The following KIAA1328 variants were observed in gnomAD, a reference collection of about 807,000 sequenced individuals.
KIAA1328 encodes protein hinderin.
KIAA1328 carries 52 observed loss-of-function variants against 68.1 expected under a neutral mutation model. The observed-to-expected ratio is 0.76, with a 90% CI of 0.61 to 0.96. The LOEUF is 0.96. Among genes scored for constraint, KIAA1328 ranks in the 40% least tolerant of loss-of-function variants. The pLI is 0.00. For missense variants in KIAA1328, 641 were observed against 677.6 expected (o/e 0.95, Z 0.60); for synonymous variants, 232 against 239.4 (o/e 0.97, Z 0.28).
At chr18:36,831,483 C>G (rs1216420748) in intron 1 of KIAA1328, among the ~76,000 whole-genome samples, 1 of 152,112 alleles carries the variant, frequency 6.6e-6, no homozygotes, top group Non-Finnish European at 1.5e-5. Context: ...TTGCCTTTGT[C>G]CTTCATTACA....
intron 6 of KIAA1328, among the ~76,000 whole-genome samples, chr18:37,044,948 G>T (rs1373706719): frequency 6.6e-6 from 1 of 152,086 alleles, no homozygotes; most frequent in Non-Finnish European, 1.5e-5. Flanking sequence ...AAACAGACTT[G>T]AAGTTTAAGT....
chr18:36,981,219 C>T (rs576822407), intron 6 of KIAA1328, among the ~76,000 whole-genome samples: 1 of 152,204 alleles, frequency 6.6e-6, no homozygotes, highest in South Asian at 2.1e-4. Context: ...ATAAATAGCT[C>T]TAGGCTGAGC....
intron 7 of KIAA1328, among the ~76,000 whole-genome samples, chr18:37,125,847 T>C (rs767771672): frequency 6.6e-6 from 1 of 152,164 alleles, no homozygotes; most frequent in Non-Finnish European, 1.5e-5. Flanking sequence ...CAGCTTGCAG[T>C]TGCTATTGTT....
intron 8 of KIAA1328, among the ~76,000 whole-genome samples, chr18:37,161,885 A>G (rs1459683485): frequency 1.3e-5 from 2 of 152,260 alleles, no homozygotes; most frequent in Admixed American, 6.5e-5. Flanking sequence ...AGCAATTGAA[A>G]AGGCACTTTG....
At chr18:37,093,047 C>T (rs988980376) in intron 7 of KIAA1328, among the ~76,000 whole-genome samples, 3 of 152,176 alleles carry the variant, frequency 2.0e-5, no homozygotes, top group Non-Finnish European at 4.4e-5. Flanking sequence ...ACTGCTGACA[C>T]TTACAGCTAA....
At chr18:36,883,273 C>T (rs1044544585) in intron 4 of KIAA1328, among the ~76,000 whole-genome samples, 3 of 152,094 alleles carry the variant, frequency 2.0e-5, no homozygotes, top group African/African-American at 7.2e-5. Context: ...TGAGCACTGG[C>T]GTGATGCTAA....
rs1156940384 is a variant in KIAA1328, at chr18:36,962,712, A to G, written c.576+3277A>G. Among the ~76,000 whole-genome samples the G allele has an allele frequency of 4.6e-5, 7 of 152,242 alleles. 1 individual carries two copies. Among genetic ancestry groups the G allele is most frequent in the Admixed American group, 1.3e-4 (2 of 15,280 alleles). ...ATGGAACTGAACAACCTGCTCCTGA[A>G]TGACTACTGGGTAAATAACGAAATG... is the stretch of plus-strand genomic sequence containing the variant. On this transcript the variant is annotated intron_variant, in intron 6 of 9. Transcript: ENST00000280020.
At chr18:37,159,228 C>T (rs1166005559) in intron 7 of KIAA1328, among the ~76,000 whole-genome samples, 1 of 151,974 alleles carries the variant, frequency 6.6e-6, no homozygotes, top group African/African-American at 2.4e-5. Flanking sequence ...CGATATAAAC[C>T]AGAGACATTT....
At chr18:36,883,628 G>A (rs957120576) in intron 4 of KIAA1328, among the ~76,000 whole-genome samples, 1 of 152,046 alleles carries the variant, frequency 6.6e-6, no homozygotes, top group African/African-American at 2.4e-5. Flanking sequence ...GGGTAATGTC[G>A]ATATTCCCAA....
downstream of KIAA1328, chr18:37,230,329 T>C (rs2060659102): frequency 1.3e-5 from 2 of 152,406 alleles, no homozygotes; most frequent in Middle Eastern, 3.4e-3. Flanking sequence ...CCCCTTCTTT[T>C]CCCACTCTAT....
chr18:37,103,211 C>T (rs1258246023), intron 7 of KIAA1328, among the ~76,000 whole-genome samples: 1 of 152,052 alleles, frequency 6.6e-6, no homozygotes, highest in Admixed American at 6.6e-5. Flanking sequence ...ATAGCAAAAG[C>T]AATACCGAGC....
intron 9 of KIAA1328, among the ~76,000 whole-genome samples, chr18:37,218,434 T>C (rs947616759): frequency 6.6e-6 from 1 of 152,236 alleles, no homozygotes; most frequent in Non-Finnish European, 1.5e-5. Context: ...ATGGAGTTTG[T>C]CCGGCTTTCC....
chr18:37,031,518 C>A (rs2054827949), intron 6 of KIAA1328, among the ~76,000 whole-genome samples: 1 of 152,032 alleles, frequency 6.6e-6, no homozygotes, highest in South Asian at 2.1e-4. Context: ...TGGAATATGT[C>A]CTTTTCAGTC....
chr18:37,150,830 A>T (rs538521432), intron 7 of KIAA1328, among the ~76,000 whole-genome samples: 58 of 152,210 alleles, frequency 3.8e-4, no homozygotes, highest in African/African-American at 1.3e-3. Flanking sequence ...GAAAAAAAAG[A>T]CCTCTCATCA....
At chr18:36,987,496 A>T (rs12954635) in intron 6 of KIAA1328, among the ~76,000 whole-genome samples, 1 of 60,606 alleles carries the variant, frequency 1.7e-5, no homozygotes, top group African/African-American at 3.3e-5. Flanking sequence ...AAAAAAAAAT[A>T]AATAAATAAA....
chr18:36,865,412 A>G (rs1473036729), intron 4 of KIAA1328, among the ~76,000 whole-genome samples: 2 of 152,150 alleles, frequency 1.3e-5, no homozygotes, highest in Admixed American at 1.3e-4. Context: ...TTATGAATAG[A>G]GAATAACTTT....
At chr18:37,186,102 T>TTC (rs1259681986) in intron 9 of KIAA1328, among the ~76,000 whole-genome samples, 1 of 144,556 alleles carries the variant, frequency 6.9e-6, no homozygotes, top group African/African-American at 2.6e-5. Context: ...GTCTTTTTTT[T>TTC]TTTTTTTTTT....
intron 7 of KIAA1328, among the ~76,000 whole-genome samples, chr18:37,141,127 G>A (rs144983442): frequency 3.0e-4 from 46 of 152,178 alleles, no homozygotes; most frequent in African/African-American, 1.0e-3. Context: ...TCAGTGAAAG[G>A]CACATATCAA....
At chr18:37,020,969 C>G (rs1240147177) in intron 6 of KIAA1328, among the ~76,000 whole-genome samples, 1 of 152,140 alleles carries the variant, frequency 6.6e-6, no homozygotes, top group African/African-American at 2.4e-5. Context: ...AAATAAGCTG[C>G]CTCATTTTAA....
Sources: gnomAD v4.1 joint callset for allele counts (sites outside exome capture counted in the v4.1 genomes callset) on GRCh38, gnomAD v4.1.1 for gene constraint, MANE v1.5 for transcripts, NCBI Gene and HGNC (gene_info 2026-07-23, HGNC 2026-07-21) for gene names.